EEF2K: variants seen among roughly 807,000 people sequenced by gnomAD.
EEF2K encodes eukaryotic elongation factor 2 kinase.
In EEF2K, 70 loss-of-function variants were observed where a neutral mutation model predicts 93.8. The ratio of observed to expected loss-of-function variants is 0.75; its 90% CI spans 0.62 to 0.91. The LOEUF is 0.91. EEF2K is among the 40% of genes least tolerant of loss of function. EEF2K has a pLI of 0.00. For missense variants in EEF2K, 935 were observed against 972.9 expected (o/e 0.96, Z 0.52); for synonymous variants, 376 against 380.8 (o/e 0.99, Z 0.15).
rs571424901 is a variant in EEF2K, at chr16:22,273,039, C to T, written c.1765-587C>T. Among the ~76,000 whole-genome samples, 9 of 152,266 alleles carry T rather than the reference C, an allele frequency of 5.9e-5. No homozygotes were observed. The South Asian group carries it at 8.3e-4, about 14-fold the overall frequency. ...AGGCAGGCCCCACATTGGAGCTTAGCCCAGGAGGGTTTTTTGCTTCACCCA... is the reference window on the plus strand; with the variant it reads ...AGGCAGGCCCCACATTGGAGCTTAGTCCAGGAGGGTTTTTTGCTTCACCCA... On this transcript the variant is annotated intron_variant, in intron 15 of 17. Coordinates refer to ENST00000263026, the MANE Select transcript of EEF2K (RefSeq NM_013302.5).
intron 17 of EEF2K, among the ~76,000 whole-genome samples, chr16:22,283,178 A>G (rs1002059427): frequency 7.9e-5 from 12 of 151,766 alleles, no homozygotes; most frequent in African/African-American, 2.9e-4. Context: ...GCGTGGTGGC[A>G]GGTGCCTGTA....
In EEF2K at chr16:22,287,436, G is replaced by C. The variant is rs2047763020; in HGVS notation, c.*3440G>C. ...CTTCAAGTGCAAGAAGCAGGTGAAA[G>C]CCCAGGAAATTGGCAGAGCCAGGAT... On this transcript the variant is annotated 3_prime_UTR_variant, in exon 18 of 18. Transcript: ENST00000263026. The C allele has an allele frequency of 1.3e-5, 2 of 152,230 alleles. No individual in the cohort carries two copies. The highest frequency in any genetic ancestry group is 1.3e-4 in the Admixed American group (2 of 15,274). The allele number at this position is 152,230 out of a possible 1,614,324, so 9.4% of individuals were successfully genotyped here. A position where few individuals can be genotyped will look rare whatever the true frequency, so the allele number is the denominator to read the frequency against.
intron 1 of EEF2K, among the ~76,000 whole-genome samples, chr16:22,222,226 C>T (rs1397920156): frequency 6.6e-6 from 1 of 151,742 alleles, no homozygotes; most frequent in African/African-American, 2.4e-5. Context: ...CAGGGTCTTG[C>T]TGTATTGCCC....
intron 6 of EEF2K, among the ~76,000 whole-genome samples, chr16:22,254,175 G>T (rs575217493): frequency 1.3e-5 from 2 of 152,230 alleles, no homozygotes; most frequent in South Asian, 4.1e-4. Flanking sequence ...GGGAGGGAGA[G>T]AGACGTGGTT....
Position 22,248,319 on chromosome 16 carries a change from T to C in EEF2K, c.348-436T>C, listed in dbSNP as rs925267967. Among the ~76,000 whole-genome samples, 5 of 152,226 alleles carry C rather than the reference T, an allele frequency of 3.3e-5. No homozygotes were observed. The South Asian group carries it at 8.3e-4, about 25-fold the overall frequency. On this transcript the variant is annotated intron_variant, in intron 3 of 17. Coordinates refer to ENST00000263026, the MANE Select transcript of EEF2K (RefSeq NM_013302.5). ...ACCTCATGATCCGCCTGCCCCAGCC[T>C]CCCAAAGTGCTGGGATTACGGGCGT...
chr16:22,265,794 T>A (rs1415810689), intron 13 of EEF2K, among the ~76,000 whole-genome samples: 1 of 152,244 alleles, frequency 6.6e-6, no homozygotes, highest in East Asian at 1.9e-4. Context: ...ATGTGTTTTT[T>A]AAACCCATTT....
At chr16:22,265,735 T>C (rs2047511266) in intron 13 of EEF2K, among the ~76,000 whole-genome samples, 1 of 152,242 alleles carries the variant, frequency 6.6e-6, no homozygotes, top group Non-Finnish European at 1.5e-5. Flanking sequence ...GCTGCCTGGC[T>C]GTATCCTGCA....
intron 2 of EEF2K, among the ~76,000 whole-genome samples, chr16:22,242,183 G>A (rs1248501424): frequency 1.3e-5 from 2 of 152,152 alleles, no homozygotes; most frequent in East Asian, 3.9e-4. Context: ...ACAAAAGAAA[G>A]CCCTAGAGAG....
At chr16:22,244,883 C>T (rs1008466303) in intron 3 of EEF2K, among the ~76,000 whole-genome samples, 153 bp downstream of exon 3, 15 of 152,208 alleles carry the variant, frequency 9.9e-5, no homozygotes, top group South Asian at 4.1e-4. Flanking sequence ...GCTTAAGGCC[C>T]GGTGCATTAC....
intron 2 of EEF2K, among the ~76,000 whole-genome samples, chr16:22,238,562 G>T (rs1392230884): frequency 6.7e-6 from 1 of 149,354 alleles, no homozygotes; most frequent in African/African-American, 2.5e-5. Context: ...GAGAAGATTC[G>T]TTGAGCCCAG....
intron 15 of EEF2K, among the ~76,000 whole-genome samples, chr16:22,269,589 A>G (rs985257418): frequency 6.6e-6 from 1 of 151,772 alleles, no homozygotes; most frequent in African/African-American, 2.4e-5. Context: ...TTTAGTGGAG[A>G]TGGGGTTTCA....
intron 16 of EEF2K, among the ~76,000 whole-genome samples, chr16:22,279,316 C>T (rs958541712): frequency 6.0e-5 from 9 of 150,996 alleles, no homozygotes; most frequent in African/African-American, 2.0e-4. Flanking sequence ...TAGCTCACTG[C>T]AGCCTCTAAC....
rs563031883 is a variant in EEF2K, at chr16:22,244,994, G to C, written c.347+264G>C. Among the ~76,000 whole-genome samples, 566 of 152,216 alleles carry C rather than the reference G, an allele frequency of 3.7e-3. 2 individuals are homozygous for C. Among genetic ancestry groups the C allele is most frequent in the African/African-American group, 0.013 (530 of 41,530 alleles). ...TGCAGATCTCTGGCCGGGTGAGGTG[G>C]CTCTCACCTGTAATCCCAGCACTTT... On this transcript the variant is annotated intron_variant, in intron 3 of 17. Coordinates refer to ENST00000263026, the MANE Select transcript of EEF2K (RefSeq NM_013302.5).
At chr16:22,269,721 T>C (rs1326516276) in intron 15 of EEF2K, among the ~76,000 whole-genome samples, 1 of 152,048 alleles carries the variant, frequency 6.6e-6, no homozygotes, top group Admixed American at 6.6e-5. Flanking sequence ...AATTATATCT[T>C]CAAGGACCCT....
chr16:22,238,508 T>C (rs1278675408), intron 2 of EEF2K, among the ~76,000 whole-genome samples: 2 of 151,810 alleles, frequency 1.3e-5, no homozygotes, highest in Non-Finnish European at 2.9e-5. Context: ...TAGCTGGGCA[T>C]GATGGTGAGC....
chr16:22,278,299 GGCAGAACC>G (rs1365839917), intron 16 of EEF2K, among the ~76,000 whole-genome samples: 30 of 152,196 alleles, frequency 2.0e-4, no homozygotes, highest in African/African-American at 6.5e-4. Context: ...CATTCATGAG[GGCAGAACC>G]ATCAAAGCCC....
At chr16:22,219,442 G>A (rs2046991423) in intron 1 of EEF2K, among the ~76,000 whole-genome samples, 1 of 152,106 alleles carries the variant, frequency 6.6e-6, no homozygotes, top group Non-Finnish European at 1.5e-5. Context: ...ACTAGCCTGG[G>A]CAACATAGTG....
intron 15 of EEF2K, among the ~76,000 whole-genome samples, chr16:22,269,523 T>C (rs2047556269): frequency 1.3e-5 from 2 of 151,964 alleles, no homozygotes; most frequent in Admixed American, 1.3e-4. Context: ...TGCCTCAGTC[T>C]CCTGAGTAGC....
At chr16:22,253,157 C>G (rs2047367323) in intron 6 of EEF2K, among the ~76,000 whole-genome samples, 1 of 152,170 alleles carries the variant, frequency 6.6e-6, no homozygotes, top group Non-Finnish European at 1.5e-5. Context: ...TTGGCACCTT[C>G]ATTTGAGCCC....
Sources: allele counts gnomAD v4.1 joint callset (sites outside exome capture counted in the v4.1 genomes callset), GRCh38; gene constraint gnomAD v4.1.1; transcripts MANE v1.5; gene names NCBI Gene and HGNC (gene_info 2026-07-23, HGNC 2026-07-21).